MAP3K5: variants seen among roughly 807,000 people sequenced by gnomAD.
The protein encoded by MAP3K5 is ASK-1.
In MAP3K5, 56 loss-of-function variants were observed where a neutral mutation model predicts 158.7. The ratio of observed to expected loss-of-function variants is 0.35; its 90% CI spans 0.28 to 0.44. The LOEUF is 0.44. Among genes scored for constraint, MAP3K5 ranks in the 20% least tolerant of loss-of-function variants. The probability of loss-of-function intolerance (pLI) is 1.00; values close to 1 mark genes in which losing one functional copy is unlikely to be tolerated. For synonymous variants in MAP3K5, 579 were observed against 601.7 expected, an observed-to-expected ratio of 0.96 and a Z score of 0.55; for missense variants, 1,294 against 1,674.8, an observed-to-expected ratio of 0.77 and a Z score of 3.97.
At chr6:136,667,708 G>A (rs182298722) in intron 8 of MAP3K5, among the ~76,000 whole-genome samples, 9 of 151,546 alleles carry the variant, frequency 5.9e-5, no homozygotes, top group East Asian at 3.9e-4. Flanking sequence ...AAAATTATCC[G>A]GGTGTGGTGG....
intron 14 of MAP3K5, among the ~76,000 whole-genome samples, chr6:136,633,924 T>C (rs995623148): frequency 6.6e-6 from 1 of 152,240 alleles, no homozygotes. Flanking sequence ...GAAACAATGT[T>C]AATTCTACCT....
intron 18 of MAP3K5, among the ~76,000 whole-genome samples, chr6:136,608,716 A>T (rs1426699757): frequency 6.6e-6 from 1 of 152,198 alleles, no homozygotes. Flanking sequence ...CTCACCACAA[A>T]CTGGGATAAT....
chr6:136,627,348 T>C (rs1365083733), intron 14 of MAP3K5, among the ~76,000 whole-genome samples: 1 of 152,242 alleles, frequency 6.6e-6, no homozygotes, highest in African/African-American at 2.4e-5. Context: ...CTCCACTAAA[T>C]TGACAGTGAA....
chr6:136,700,654 G>A (rs1192552851), intron 3 of MAP3K5, among the ~76,000 whole-genome samples: 1 of 152,182 alleles, frequency 6.6e-6, no homozygotes, highest in Non-Finnish European at 1.5e-5. Flanking sequence ...TAAAGAGGTT[G>A]GGATTGAGGT....
rs113091234 is a variant in MAP3K5, at chr6:136,577,621, G to A, written c.3517+2680C>T. Among the ~76,000 whole-genome samples, 11 of 152,286 alleles carry A rather than the reference G, an allele frequency of 7.2e-5. 1 individual carries two copies. The East Asian group carries it at 1.2e-3, about 16-fold the overall frequency. ...CTCGTGCAAGGACAGCTCCCTCTCT[G>A]CAACCTCCCTGCTGTTCTCCCTAAA... On this transcript the variant is annotated intron_variant, in intron 25 of 29. Coordinates refer to ENST00000359015, the MANE Select transcript of MAP3K5 (RefSeq NM_005923.4).
intron 21 of MAP3K5, among the ~76,000 whole-genome samples, chr6:136,594,098 C>T (rs1775516182): frequency 6.6e-6 from 1 of 152,154 alleles, no homozygotes. Flanking sequence ...AGGCAGGAAG[C>T]AAGAGGAAGC....
rs1209676349 is a variant in MAP3K5 at position 136,752,240 on chromosome 6, T to C, written c.449-31651A>G. 5.3e-5 allele frequency among the ~76,000 whole-genome samples: 8 copies of C among 152,170 alleles called. No homozygotes were observed. The East Asian group carries it at 1.5e-3, about 29-fold the overall frequency. On this transcript the variant is annotated intron_variant, in intron 1 of 29. Coordinates refer to ENST00000359015, the MANE Select transcript of MAP3K5 (RefSeq NM_005923.4). ...CCTGTTCTTAGGGACTTACAGTTAG[T>C]GGGGGAGGAGACTTTTAAGCACACC...
intron 1 of MAP3K5, among the ~76,000 whole-genome samples, chr6:136,768,278 G>C (rs542030134): frequency 6.6e-6 from 1 of 152,296 alleles, no homozygotes; most frequent in East Asian, 1.9e-4. Context: ...CAACCCACAA[G>C]ATGATAGAAA....
intron 3 of MAP3K5, among the ~76,000 whole-genome samples, chr6:136,699,100 C>T (rs931334793): frequency 2.0e-5 from 3 of 152,046 alleles, no homozygotes; most frequent in African/African-American, 4.8e-5. Context: ...AAGGTGATGC[C>T]GCAAGTAGAT....
At chr6:136,735,128 A>G (rs1284633247) in intron 1 of MAP3K5, among the ~76,000 whole-genome samples, 1 of 152,238 alleles carries the variant, frequency 6.6e-6, no homozygotes, top group African/African-American at 2.4e-5. Context: ...GTTCTGATTA[A>G]GAGGAGGTAT....
chr6:136,585,455 C>CTTCCT (rs1252194055), intron 23 of MAP3K5, among the ~76,000 whole-genome samples: 1 of 137,138 alleles, frequency 7.3e-6, no homozygotes, highest in African/African-American at 2.7e-5. Flanking sequence ...AGGCATATTG[C>CTTCCT]TTCCTTTCTT....
intron 1 of MAP3K5, among the ~76,000 whole-genome samples, chr6:136,782,284 T>C (rs200224994): frequency 2.6e-5 from 2 of 75,528 alleles, no homozygotes; most frequent in Middle Eastern, 7.8e-3. Flanking sequence ...CATCTCAAAA[T>C]AAAAAAAAAA....
intron 2 of MAP3K5, among the ~76,000 whole-genome samples, chr6:136,716,688 T>C (rs1040610148): frequency 5.3e-5 from 8 of 152,226 alleles, no homozygotes; most frequent in Non-Finnish European, 1.2e-4. Flanking sequence ...AGTATGATCA[T>C]TTCATAATGC....
At position 136,567,782 on chromosome 6, in the gene MAP3K5, T is replaced by A. The variant is rs1400902767; in HGVS notation, c.3610A>T (p.Asn1204Tyr). ...VEDDHEEQPS[N>Y]QTVRRPQAVI... ...GCCTGAGGTCTTCGGACAGTTTGAT[T>A]TGAAGGCTGTTCCTCATGGTCATCT... The change falls in exon 26 of 30, where the codon AAT becomes TAT. Residue 1204 changes from asparagine (N) to tyrosine (Y), a missense_variant. By Grantham distance (143) the Asn-to-Tyr change is moderately radical. Transcript: ENST00000359015. The A allele has an allele frequency of 6.2e-7, 1 of 1,614,130 alleles. No homozygotes were observed. The highest frequency in any genetic ancestry group is 8.5e-7 in the Non-Finnish European group (1 of 1,179,988).
chr6:136,724,472 T>C (rs1270557635), intron 1 of MAP3K5, among the ~76,000 whole-genome samples: 1 of 152,086 alleles, frequency 6.6e-6, no homozygotes, highest in Non-Finnish European at 1.5e-5. Context: ...GGTCTTGAAC[T>C]CCTGGCCTCA....
intron 2 of MAP3K5, among the ~76,000 whole-genome samples, chr6:136,713,215 AG>A (rs1781385739): frequency 6.6e-6 from 1 of 152,174 alleles, no homozygotes; most frequent in Non-Finnish European, 1.5e-5. Context: ...TTACTCTTTA[AG>A]GGTATTCAAA....
chr6:136,632,465 C>T (rs1232319538), intron 14 of MAP3K5, among the ~76,000 whole-genome samples: 1 of 152,000 alleles, frequency 6.6e-6, no homozygotes, highest in Non-Finnish European at 1.5e-5. Flanking sequence ...TGCAGTGAGC[C>T]GAGATTGCGC....
chr6:136,736,299 T>G (rs1403763595), intron 1 of MAP3K5, among the ~76,000 whole-genome samples: 2 of 152,226 alleles, frequency 1.3e-5, no homozygotes, highest in African/African-American at 4.8e-5. Flanking sequence ...TTCTTTCTAC[T>G]CTGTTAAGCT....
At chr6:136,752,391 T>G (rs538541455) in intron 1 of MAP3K5, among the ~76,000 whole-genome samples, 1 of 152,154 alleles carries the variant, frequency 6.6e-6, no homozygotes, top group Admixed American at 6.6e-5. Context: ...GTGGGTCATA[T>G]CTGCCATTTC....
Sources: gnomAD v4.1 joint callset for allele counts (sites outside exome capture counted in the v4.1 genomes callset) on GRCh38, gnomAD v4.1.1 for gene constraint, MANE v1.5 for transcripts, NCBI Gene and HGNC (gene_info 2026-07-23, HGNC 2026-07-21) for gene names.